The following PAQR8 variants were observed in gnomAD, a reference collection of about 807,000 sequenced individuals.
The protein encoded by PAQR8 is progestin and adipoQ receptor family member 8.
A neutral mutation model predicts 25.2 loss-of-function variants in PAQR8; 17 were observed. The observed-to-expected ratio is 0.67, with a 90% CI of 0.46 to 1.01. The LOEUF (loss-of-function observed/expected upper bound fraction) is 1.01. Among genes scored for constraint, PAQR8 ranks in the 50% least tolerant of loss-of-function variants. PAQR8 has a pLI of 0.00. For missense variants in PAQR8, 392 were observed against 448.4 expected (o/e 0.87, Z 1.14); for synonymous variants, 204 against 190.6 (o/e 1.07, Z -0.58).
At chr6:52,374,227 C>G (rs1388803930) in intron 1 of PAQR8, among the ~76,000 whole-genome samples, 2 of 152,198 alleles carry the variant, frequency 1.3e-5, no homozygotes, top group Non-Finnish European at 2.9e-5. Flanking sequence ...TCCAGTATTT[C>G]TTTATAACAA....
Position 52,406,394 on chromosome 6 carries a change from A to T in PAQR8, c.*2116A>T. On this transcript the variant is annotated 3_prime_UTR_variant, in exon 2 of 2. Coordinates refer to ENST00000442253, the MANE Select transcript of PAQR8 (RefSeq NM_133367.5). ...TTTAGTTCAAATCCACGTATTTTTT[A>T]AAAGAGAGAACCGGAGGTAGAGCAA... The T allele has an allele frequency of 2.4e-6, 1 of 412,034 alleles. No homozygotes were observed. Among genetic ancestry groups the T allele is most frequent in the Non-Finnish European group, 4.4e-6 (1 of 225,270 alleles). 25.5% of individuals were successfully genotyped at this position (412,034 alleles called of 1,614,324 possible). A position where few individuals can be genotyped will look rare whatever the true frequency, so the allele number is the denominator to read the frequency against.
rs570613636 is a variant in PAQR8 at position 52,385,647 on chromosome 6, G to A, written c.-52-17515G>A. ...GTCTGGAATTCTAGCACTTTGGGGG[G>A]CAAGGTGGGTAGATTGCCTGAGCCC... is the stretch of plus-strand genomic sequence containing the variant. On this transcript the variant is annotated intron_variant, in intron 1 of 1. Transcript: ENST00000442253. 2.0e-5 allele frequency among the ~76,000 whole-genome samples: 3 copies of A among 152,214 alleles called. No homozygotes were observed. In the East Asian group the frequency reaches 5.8e-4, roughly 29 times the overall value.
chr6:52,400,412 C>T (rs944960147), intron 1 of PAQR8, among the ~76,000 whole-genome samples: 1 of 152,190 alleles, frequency 6.6e-6, no homozygotes, highest in East Asian at 1.9e-4. Flanking sequence ...TCTTTTTCAG[C>T]CCTGTAAGGC....
At chr6:52,395,546 G>C (rs920192532) in intron 1 of PAQR8, among the ~76,000 whole-genome samples, 1 of 152,136 alleles carries the variant, frequency 6.6e-6, no homozygotes, top group African/African-American at 2.4e-5. Flanking sequence ...TTTCAGCCCA[G>C]ACCTGACCCA....
At position 52,362,687 on chromosome 6, in the gene PAQR8, C is replaced by T. The variant is rs1305940275; in HGVS notation, c.-53+438C>T. ...GAGTCCGACAGGGCAGAACGAGGGG[C>T]GTCCTGTCCGCATTTGTGGGGCGCC... On this transcript the variant is annotated intron_variant, in intron 1 of 1. Coordinates refer to ENST00000442253, the MANE Select transcript of PAQR8 (RefSeq NM_133367.5). The surrounding 1 kb of genome is among the most constrained non-coding windows in gnomAD (Gnocchi z 4.1). 2.6e-5 allele frequency among the ~76,000 whole-genome samples: 4 copies of T among 152,108 alleles called. No individual in the cohort carries two copies. Among genetic ancestry groups the T allele is most frequent in the Admixed American group, 2.0e-4 (3 of 15,282 alleles).
At chr6:52,398,361 C>A (rs1214423888) in intron 1 of PAQR8, among the ~76,000 whole-genome samples, 1 of 151,612 alleles carries the variant, frequency 6.6e-6, no homozygotes, top group Admixed American at 6.6e-5. Context: ...AGCCTGCTAA[C>A]ACACCCAGCT....
At chr6:52,379,489 T>C (rs1488336814) in intron 1 of PAQR8, among the ~76,000 whole-genome samples, 2 of 152,302 alleles carry the variant, frequency 1.3e-5, no homozygotes, top group East Asian at 3.9e-4. Flanking sequence ...TCTCGCTCTG[T>C]TGCCTAGGCT....
chr6:52,399,900 C>T (rs1317030428), intron 1 of PAQR8, among the ~76,000 whole-genome samples: 3 of 152,216 alleles, frequency 2.0e-5, no homozygotes, highest in Admixed American at 6.5e-5. Context: ...CAGGCCCATT[C>T]CTGTAGTTCG....
chr6:52,382,263 G>A (rs1186142597), intron 1 of PAQR8, among the ~76,000 whole-genome samples: 1 of 152,224 alleles, frequency 6.6e-6, no homozygotes, highest in African/African-American at 2.4e-5. Context: ...ATTGGCATGT[G>A]AGAAGTGCCT....
At chr6:52,401,946 C>T (rs1187005145) in intron 1 of PAQR8, among the ~76,000 whole-genome samples, 1 of 152,124 alleles carries the variant, frequency 6.6e-6, no homozygotes, top group Non-Finnish European at 1.5e-5. Flanking sequence ...TTAAAGGTTA[C>T]CTTACTTATA....
In PAQR8 at chr6:52,403,513, G is replaced by A. The variant is rs770855787; in HGVS notation, c.300G>A (p.Glu100=). ...LLRFWAFAEA[E]ALPWASTHSL... is the part of the protein sequence containing the mutation. ...GATTCTGGGCCTTTGCCGAGGCTGA[G>A]GCCTTGCCATGGGCGTCTACCCACT... The change falls in exon 2 of 2, where the codon GAG becomes GAA. Residue 100 remains glutamate, a synonymous_variant. Transcript: ENST00000442253. 7 of 1,613,926 alleles carry A rather than the reference G, an allele frequency of 4.3e-6. No individual in the cohort carries two copies. In the East Asian group the frequency reaches 1.1e-4, roughly 26 times the overall value.
At chr6:52,381,558 G>A (rs1208964372) in intron 1 of PAQR8, among the ~76,000 whole-genome samples, 1 of 152,222 alleles carries the variant, frequency 6.6e-6, no homozygotes, top group South Asian at 2.1e-4. Context: ...AGTGAGCTAT[G>A]ACTGTGCCAC....
chr6:52,386,094 A>G (rs1261903081), intron 1 of PAQR8, among the ~76,000 whole-genome samples: 2 of 152,254 alleles, frequency 1.3e-5, no homozygotes, highest in African/African-American at 2.4e-5. Context: ...ATATGAAAAA[A>G]TGCTCAACAT....
At chr6:52,389,444 C>G (rs954214076) in intron 1 of PAQR8, among the ~76,000 whole-genome samples, 2 of 152,088 alleles carry the variant, frequency 1.3e-5, no homozygotes, top group Admixed American at 6.6e-5. Flanking sequence ...GCTCTCTACA[C>G]ACACAGTAGT....
intron 1 of PAQR8, among the ~76,000 whole-genome samples, chr6:52,400,383 A>G (rs1273262391): frequency 6.6e-6 from 1 of 152,218 alleles, no homozygotes; most frequent in Non-Finnish European, 1.5e-5. Flanking sequence ...AACACTTTAC[A>G]GCCATTATGT....
chr6:52,372,554 A>T (rs1763431092), intron 1 of PAQR8, among the ~76,000 whole-genome samples: 1 of 152,152 alleles, frequency 6.6e-6, no homozygotes, highest in South Asian at 2.1e-4. Context: ...AACAGATTAC[A>T]TTTAATGAGC....
intron 1 of PAQR8, among the ~76,000 whole-genome samples, chr6:52,367,123 G>A (rs1763363309): frequency 6.6e-6 from 1 of 152,128 alleles, no homozygotes. Flanking sequence ...GGTGGTGTCT[G>A]GAGACATTTT....
intron 1 of PAQR8, among the ~76,000 whole-genome samples, chr6:52,387,837 C>A (rs892637534): frequency 2.0e-5 from 3 of 152,242 alleles, no homozygotes; most frequent in Non-Finnish European, 4.4e-5. Context: ...GCTTTACTGC[C>A]TGAGTTCCTG....
intron 1 of PAQR8, among the ~76,000 whole-genome samples, chr6:52,397,894 G>A (rs1763784889): frequency 6.6e-6 from 1 of 152,150 alleles, no homozygotes; most frequent in Non-Finnish European, 1.5e-5. Context: ...ATGACAATAT[G>A]TGGTTTCCTC....
Sources: allele counts gnomAD v4.1 joint callset (sites outside exome capture counted in the v4.1 genomes callset), GRCh38; gene constraint gnomAD v4.1.1; non-coding constraint Gnocchi (gnomAD v3.1); transcripts MANE v1.5; gene names NCBI Gene and HGNC (gene_info 2026-07-23, HGNC 2026-07-21).